C10orf143: variants seen among roughly 807,000 people sequenced by gnomAD.
C10orf143 encodes the protein chromosome 10 open reading frame 143, also known as uncharacterized protein C10orf143.
At chr10:130,081,067 T>C (rs1861199786) in intron 1 of C10orf143, among the ~76,000 whole-genome samples, 1 of 152,044 alleles carries the variant, frequency 6.6e-6, no homozygotes. Context: ...ATCCAAAATT[T>C]TAAAAGAACA....
intron 3 of C10orf143, among the ~76,000 whole-genome samples, chr10:130,055,817 G>A (rs192108614): frequency 1.3e-4 from 20 of 151,786 alleles, no homozygotes; most frequent in Admixed American, 3.3e-4. Context: ...GTGGTGGTGC[G>A]GGCCTGTGGT....
intron 1 of C10orf143, among the ~76,000 whole-genome samples, chr10:130,109,716 G>A (rs1256600412): frequency 2.0e-5 from 3 of 152,232 alleles, no homozygotes; most frequent in Admixed American, 1.3e-4. Flanking sequence ...GCCAGGCAGT[G>A]AGTAGTGAGG....
chr10:130,063,857 A>T (rs1052701747), downstream of C10orf143: 3 of 152,488 alleles, frequency 2.0e-5, no homozygotes, highest in Non-Finnish European at 4.4e-5. Flanking sequence ...AACAGATTGG[A>T]CACTAGCATT....
rs576809320 is a variant in C10orf143 at position 130,045,444 on chromosome 10, C to T, written c.298-9474G>A. 2.0e-4 allele frequency among the ~76,000 whole-genome samples: 31 copies of T among 152,354 alleles called. No individual in the cohort carries two copies. The South Asian group carries it at 6.2e-3, about 31-fold the overall frequency. The stretch of plus-strand genomic sequence containing the variant: ...GAACCATACAGCCCCAACTCTGCTG[C>T]CCCGCCCACAGTGCCCCGCAGACAG... On this transcript the variant is annotated intron_variant and NMD_transcript_variant, in intron 3 of 5. Coordinates refer to the C10orf143 transcript ENST00000643056.
At chr10:130,083,863 A>C (rs1423370094) in intron 1 of C10orf143, among the ~76,000 whole-genome samples, 1 of 151,760 alleles carries the variant, frequency 6.6e-6, no homozygotes, top group Non-Finnish European at 1.5e-5. Context: ...CACCAGAGTA[A>C]CATTTCACAT....
intron 3 of C10orf143, among the ~76,000 whole-genome samples, chr10:130,076,945 G>A (rs1861128125): frequency 6.6e-6 from 1 of 152,062 alleles, no homozygotes; most frequent in Non-Finnish European, 1.5e-5. Context: ...CCCGACCCTG[G>A]GCAGGAGCGG....
At chr10:130,047,054 C>T (rs766028683) in intron 3 of C10orf143, among the ~76,000 whole-genome samples, 4 of 152,246 alleles carry the variant, frequency 2.6e-5, no homozygotes, top group Non-Finnish European at 5.9e-5. Flanking sequence ...AGATGTGTCT[C>T]GCATCCACAG....
At position 130,086,266 on chromosome 10, in the gene C10orf143, G is replaced by A. The variant is rs555394660; in HGVS notation, c.70-6365C>T. 3.6e-4 allele frequency among the ~76,000 whole-genome samples: 55 copies of A among 152,214 alleles called. 1 individual carries two copies. Among genetic ancestry groups the A allele is most frequent in the Middle Eastern group, 6.8e-3 (2 of 294 alleles). On this transcript the variant is annotated intron_variant, in intron 1 of 3. Transcript: ENST00000637128. The stretch of plus-strand genomic sequence containing the variant: ...ACCCCCTCAGCTTCTCCACACAAAC[G>A]TACTCTCTCATTCCTGGGGCTTATT...
intron 1 of C10orf143, among the ~76,000 whole-genome samples, chr10:130,090,734 C>T (rs978575712): frequency 1.1e-4 from 16 of 145,530 alleles, no homozygotes; most frequent in African/African-American, 2.7e-4. Flanking sequence ...GGGGGGCGGG[C>T]GGGGCATCTG....
At chr10:130,039,528 C>T (rs574427657) in intron 3 of C10orf143, among the ~76,000 whole-genome samples, 1 of 152,296 alleles carries the variant, frequency 6.6e-6, no homozygotes, top group African/African-American at 2.4e-5. Flanking sequence ...TGGATGCTGC[C>T]TGCCCACACT....
intron 3 of C10orf143, among the ~76,000 whole-genome samples, chr10:130,070,696 T>C (rs1470590203): frequency 1.3e-5 from 2 of 152,218 alleles, no homozygotes; most frequent in Non-Finnish European, 2.9e-5. Context: ...CTTTAGTAGA[T>C]ATATATCAAT....
intron 3 of C10orf143, among the ~76,000 whole-genome samples, chr10:130,037,198 G>A (rs1860554219): frequency 6.6e-6 from 1 of 152,200 alleles, no homozygotes; most frequent in Admixed American, 6.5e-5. Context: ...GGAGGAGATG[G>A]GTGAGCAACA....
intron 1 of C10orf143, among the ~76,000 whole-genome samples, chr10:130,083,645 A>G (rs908323438): frequency 2.0e-5 from 3 of 152,226 alleles, no homozygotes; most frequent in African/African-American, 7.2e-5. Flanking sequence ...AGTGCAAAAG[A>G]GTATCTATAA....
downstream of C10orf143, among the ~76,000 whole-genome samples, chr10:130,062,794 C>T (rs1213552069): frequency 1.3e-5 from 2 of 152,184 alleles, no homozygotes; most frequent in African/African-American, 4.8e-5. Context: ...CTAATACACC[C>T]ACATTCTGGC....
chr10:130,081,261 C>T (rs1861203755), intron 1 of C10orf143, among the ~76,000 whole-genome samples: 1 of 151,824 alleles, frequency 6.6e-6, no homozygotes, highest in Non-Finnish European at 1.5e-5. Context: ...AGCCACAGTT[C>T]ACAGTGAAGA....
At chr10:130,058,229 A>G (rs1401017603) in intron 3 of C10orf143, among the ~76,000 whole-genome samples, 2 of 152,056 alleles carry the variant, frequency 1.3e-5, no homozygotes, top group Non-Finnish European at 2.9e-5. Flanking sequence ...ACCACCCCAC[A>G]ATCCATGTGC....
intron 1 of C10orf143, among the ~76,000 whole-genome samples, chr10:130,101,866 A>AAC: frequency 8.6e-5 from 1 of 11,576 alleles, no homozygotes; most frequent in African/African-American, 5.7e-4. Flanking sequence ...AAAAAAAACC[A>AAC]AAAAAAAAAA....
chr10:130,097,627 T>C (rs1196353928), intron 1 of C10orf143, among the ~76,000 whole-genome samples: 4 of 152,192 alleles, frequency 2.6e-5, no homozygotes, highest in African/African-American at 9.7e-5. Flanking sequence ...CAATGATCGG[T>C]ACCTATGTGA....
chr10:130,107,631 C>G, intron 1 of C10orf143: 2 of 1,335,488 alleles, frequency 1.5e-6, no homozygotes, highest in South Asian at 1.2e-5. Context: ...TCATCTGAAA[C>G]GAGAGCTTTT....
Sources: gnomAD v4.1 joint callset for allele counts (sites outside exome capture counted in the v4.1 genomes callset) on GRCh38, gnomAD v4.1.1 for gene constraint, MANE v1.5 for transcripts, NCBI Gene and HGNC (gene_info 2026-07-23, HGNC 2026-07-21) for gene names.